Variants in PRC1 observed in about 807,000 individuals in gnomAD.
PRC1 encodes protein regulator of cytokinesis 1.
Under a neutral mutation model 91.2 loss-of-function variants are expected in PRC1, and 54 were observed. The observed-to-expected ratio is 0.59, with a 90% confidence interval of 0.48 to 0.74. The LOEUF is 0.74. Ranked by LOEUF, PRC1 falls within the 30% of genes least tolerant of loss-of-function variation. PRC1 has a pLI of 0.00. For synonymous variants in PRC1, 275 were observed against 263.6 expected, an observed-to-expected ratio of 1.04 and a Z score of -0.42; for missense variants, 727 against 746.2, an observed-to-expected ratio of 0.97 and a Z score of 0.30.
rs142519336 is a variant in PRC1, at chr15:90,973,401, G to A, written c.1461+735C>T. On this transcript the variant is annotated intron_variant, in intron 11 of 14. Coordinates refer to ENST00000394249, the MANE Select transcript of PRC1 (RefSeq NM_003981.4). The stretch of plus-strand genomic sequence containing the variant: ...GGGGCACGATGCACTGCGGAAAGCC[G>A]CAGGGACCTCTGCCCAAGAAAGCCT... Among the ~76,000 whole-genome samples, 1,450 of 152,322 alleles carry A rather than the reference G, an allele frequency of 9.5e-3. 26 individuals are homozygous for A. Among genetic ancestry groups the A allele is most frequent in the African/African-American group, 0.033 (1,384 of 41,564 alleles).
rs942909831 is a variant in PRC1 at position 90,969,132 on chromosome 15, G to A, written c.1750-12C>T. On this transcript the variant is annotated splice_polypyrimidine_tract_variant and intron_variant, in intron 13 of 14. Transcript: ENST00000394249. ...AGGGACGGATCCTTCTAAGAACAAA[G>A]AATTAAGACAATTACCAAGAACTCC... The A allele has an allele frequency of 6.2e-7, 1 of 1,609,202 alleles. No individual in the cohort carries two copies. Among genetic ancestry groups the A allele is most frequent in the Non-Finnish European group, 8.5e-7 (1 of 1,175,608 alleles).
In PRC1 at chr15:90,974,572, C is replaced by A. The variant is rs771516851; in HGVS notation, c.1350+13G>T. On this transcript the variant is annotated intron_variant, in intron 10 of 14. Coordinates refer to ENST00000394249, the MANE Select transcript of PRC1 (RefSeq NM_003981.4). This position sits in a 1 kb window ranked among gnomAD's most constrained non-coding sequence, Gnocchi z 4.6. The stretch of plus-strand genomic sequence containing the variant: ...TTCGTCTTTTCCCAATTTGCGTTCA[C>A]GTTCACACTTACTCTTTCCTGCTTG... 1 of 1,613,966 alleles carries A rather than the reference C, an allele frequency of 6.2e-7. No individual in the cohort carries two copies. The highest frequency in any genetic ancestry group is 1.7e-5 in the Admixed American group (1 of 60,002).
chr15:90,975,277 A>AT (rs952322726), intron 9 of PRC1, among the ~76,000 whole-genome samples: 6 of 151,860 alleles, frequency 4.0e-5, no homozygotes, highest in Admixed American at 1.3e-4. Context: ...TAATTTTTGT[A>AT]TTTTTTAGTA....
intron 1 of PRC1, among the ~76,000 whole-genome samples, chr15:90,993,897 A>G (rs1165353397): frequency 2.0e-5 from 3 of 150,666 alleles, no homozygotes; most frequent in South Asian, 2.1e-4. Context: ...AGCCTGGCCA[A>G]CATAGACCGC....
intron 8 of PRC1, among the ~76,000 whole-genome samples, chr15:90,978,870 C>G (rs1477326021): frequency 1.3e-5 from 2 of 151,828 alleles, no homozygotes; most frequent in African/African-American, 4.8e-5. Flanking sequence ...CCGGAGAAGC[C>G]TGGGGTCCTG....
At chr15:90,981,085 T>C (rs1231907435) in intron 5 of PRC1, 52 bp from the exon 6 acceptor site, 1 of 1,599,292 alleles carries the variant, frequency 6.3e-7, no homozygotes, top group East Asian at 2.2e-5. Flanking sequence ...GCACAGAGGC[T>C]AGCCCTCTAG....
chr15:90,986,722 T>C (rs2039602869), intron 1 of PRC1, among the ~76,000 whole-genome samples: 1 of 152,154 alleles, frequency 6.6e-6, no homozygotes, highest in Non-Finnish European at 1.5e-5. Context: ...TTTACTTTTT[T>C]GGGGTGATGA....
At position 90,966,990 on chromosome 15, in the gene PRC1, A is replaced by G; in HGVS notation, c.*141T>C. 1.4e-6 allele frequency: 1 copy of G among 712,970 alleles called. No homozygotes were observed. Among genetic ancestry groups the G allele is most frequent in the Non-Finnish European group, 2.4e-6 (1 of 408,946 alleles). 44.2% of individuals were successfully genotyped at this position (712,970 alleles called of 1,614,324 possible). A position where few individuals can be genotyped will look rare whatever the true frequency, so the allele number is the denominator to read the frequency against. On this transcript the variant is annotated 3_prime_UTR_variant, in exon 15 of 15. Coordinates refer to ENST00000394249, the MANE Select transcript of PRC1 (RefSeq NM_003981.4). ...GCTTTCAACTGTAACACTCATTCACATCTTTAAGTTAGGCCCATGGTCATG... is the reference window on the plus strand; with the variant it reads ...GCTTTCAACTGTAACACTCATTCACGTCTTTAAGTTAGGCCCATGGTCATG...
intron 9 of PRC1, among the ~76,000 whole-genome samples, chr15:90,976,213 T>G (rs998882076): frequency 6.6e-6 from 1 of 152,070 alleles, no homozygotes; most frequent in African/African-American, 2.4e-5. Context: ...CTCAGCCTCC[T>G]GAGTAGCTGG....
intron 14 of PRC1, 102 bp downstream of exon 14, chr15:90,968,977 C>A (rs956749127): frequency 2.5e-6 from 4 of 1,583,032 alleles, no homozygotes; most frequent in East Asian, 4.5e-5. Context: ...CTTTGTAACA[C>A]TGCTGAGATT....
At chr15:90,968,432 ATCCTC>A (rs2037733436) in intron 14 of PRC1, 5 of 985,446 alleles carry the variant, frequency 5.1e-6, no homozygotes, top group Non-Finnish European at 6.0e-6. Flanking sequence ...GGTGAGGAAC[ATCCTC>A]TCCTCTTGCT....
rs1311451482 is a variant in PRC1, at chr15:90,974,700, A to G, written c.1235T>C (p.Leu412Ser). The change falls in exon 10 of 15, where the codon TTG (leucine) becomes TCG (serine). Residue 412 changes from leucine to serine, a missense_variant. Leu to Ser is a moderately radical substitution (Grantham distance 145). Coordinates refer to ENST00000394249, the MANE Select transcript of PRC1 (RefSeq NM_003981.4). The surrounding 1 kb of genome is among the most constrained non-coding windows in gnomAD (Gnocchi z 4.6). ...TGCCTTTGAATGTTCCTGTTCCCAC[A>G]ATTCAATTCGTGCCTTCAACTCTTC... ...LEEELKARIE[L>S]WEQEHSKAFM... The G allele has an allele frequency of 6.2e-7, 1 of 1,614,118 alleles. No individual in the cohort carries two copies. Among genetic ancestry groups the G allele is most frequent in the Non-Finnish European group, 8.5e-7 (1 of 1,180,056 alleles).
At chr15:90,970,297 A>G (rs751453564) in intron 12 of PRC1, 107 bp downstream of exon 12, 27 of 836,282 alleles carry the variant, frequency 3.2e-5, no homozygotes, top group Non-Finnish European at 5.1e-5. Context: ...GCATCTCAAT[A>G]AGAACCAAAT....
chr15:90,991,639 G>C (rs34210112), intron 1 of PRC1, among the ~76,000 whole-genome samples: 6,159 of 151,316 alleles, frequency 0.041, 191 homozygotes, highest in South Asian at 0.068. Flanking sequence ...CTTAAATCTT[G>C]TATCATCCTT....
intron 9 of PRC1, among the ~76,000 whole-genome samples, chr15:90,975,489 G>A (rs866984447): frequency 1.3e-5 from 2 of 152,174 alleles, no homozygotes; most frequent in Non-Finnish European, 2.9e-5. Context: ...AAATGAGAGC[G>A]TTTTGAAATG....
chr15:90,994,086 T>C (rs1342200480), intron 1 of PRC1, among the ~76,000 whole-genome samples: 1 of 152,022 alleles, frequency 6.6e-6, no homozygotes, highest in Admixed American at 6.5e-5. Context: ...GCTGACCGCC[T>C]GGGTGGAGGC....
chr15:90,987,655 C>T (rs2039681494), intron 1 of PRC1: 1 of 152,162 alleles, frequency 6.6e-6, no homozygotes, highest in African/African-American at 2.4e-5. Context: ...TAAGACTGCC[C>T]TGGCACCAGA....
chr15:90,968,044 A>ATC (rs564623313), intron 14 of PRC1: 3 of 985,294 alleles, frequency 3.0e-6, no homozygotes, highest in South Asian at 9.4e-5. Flanking sequence ...AGAAAGACAG[A>ATC]TATTAGCAGA....
At chr15:90,977,743 C>T (rs2038857427) in intron 8 of PRC1, among the ~76,000 whole-genome samples, 1 of 151,860 alleles carries the variant, frequency 6.6e-6, no homozygotes, top group Non-Finnish European at 1.5e-5. Flanking sequence ...GCCACCATGC[C>T]CGGCTAATTT....
Sources: allele counts gnomAD v4.1 joint callset (sites outside exome capture counted in the v4.1 genomes callset), GRCh38; gene constraint gnomAD v4.1.1; non-coding constraint Gnocchi (gnomAD v3.1); transcripts MANE v1.5; gene names NCBI Gene and HGNC (gene_info 2026-07-23, HGNC 2026-07-21).